The following CFAP144 variants were observed in gnomAD, a reference collection of about 807,000 sequenced individuals.
CFAP144 encodes cilia- and flagella-associated protein 144.
At chr1:43,152,118 A>C in the CFAP144 span, among the ~76,000 whole-genome samples, 1 of 152,086 alleles carries the variant, frequency 6.6e-6, no homozygotes, top group Non-Finnish European at 1.5e-5. Context: ...GATGCCACCC[A>C]ACAAGCCGGT....
At chr1:43,145,151 G>C in the CFAP144 span, 2 of 920,710 alleles carry the variant, frequency 2.2e-6, no homozygotes, top group Non-Finnish European at 3.5e-6. Flanking sequence ...CTCATGCCTG[G>C]TCAGCCAGCC....
chr1:43,153,101 G>A, the CFAP144 span: 1 of 790,944 alleles, frequency 1.3e-6, no homozygotes, highest in African/African-American at 1.7e-5. Flanking sequence ...GTTGTAAAAT[G>A]GAGCTAATAC....
the CFAP144 span, among the ~76,000 whole-genome samples, chr1:43,154,800 A>T: frequency 6.2e-4 from 94 of 152,072 alleles, 1 homozygote; most frequent in Admixed American, 6.0e-3. Flanking sequence ...CTCGACTCTG[A>T]TTACAGCATG....
At chr1:43,150,131 G>C in the CFAP144 span, among the ~76,000 whole-genome samples, 1 of 152,164 alleles carries the variant, frequency 6.6e-6, no homozygotes, top group Non-Finnish European at 1.5e-5. Context: ...CTGCTTTACT[G>C]TTCTCTATCA....
chr1:43,148,102 G>C, the CFAP144 span: 4 of 1,611,058 alleles, frequency 2.5e-6, no homozygotes, highest in African/African-American at 4.0e-5. Flanking sequence ...GCACGGCGGG[G>C]TGGGGGAAGG....
At chr1:43,143,651 C>T in the CFAP144 span, among the ~76,000 whole-genome samples, 2 of 152,130 alleles carry the variant, frequency 1.3e-5, no homozygotes, top group African/African-American at 4.8e-5. Context: ...CAAATCTAGT[C>T]GTTAGGCACC....
the CFAP144 span, chr1:43,150,706 G>A: frequency 5.4e-6 from 8 of 1,484,378 alleles, no homozygotes; most frequent in Middle Eastern, 1.7e-4. Flanking sequence ...CCTTAGAGAG[G>A]GCAGGGAACT....
At chr1:43,154,326 A>T in the CFAP144 span, among the ~76,000 whole-genome samples, 10 of 146,524 alleles carry the variant, frequency 6.8e-5, no homozygotes, top group Admixed American at 1.4e-4. Context: ...AAAATTATTT[A>T]TATATATCCC....
At chr1:43,147,681 CTA>C in the CFAP144 span, 3 of 779,118 alleles carry the variant, frequency 3.9e-6, no homozygotes, top group Non-Finnish European at 4.7e-6. Flanking sequence ...AGGGGACCTT[CTA>C]GTAACCAGCC....
At chr1:43,156,349 C>A in the CFAP144 span, 2 of 1,479,196 alleles carry the variant, frequency 1.4e-6, no homozygotes, top group Non-Finnish European at 1.9e-6. Context: ...GGATCTAATG[C>A]CTTAAGTGTG....
the CFAP144 span, among the ~76,000 whole-genome samples, chr1:43,147,663 C>T: frequency 6.6e-6 from 1 of 152,206 alleles, no homozygotes; most frequent in African/African-American, 2.4e-5. Context: ...CCTTTCCTGG[C>T]GGTATCCAGG....
At chr1:43,152,735 C>T in the CFAP144 span, 1 of 1,359,380 alleles carries the variant, frequency 7.4e-7, no homozygotes, top group East Asian at 2.6e-5. Context: ...AGATGCTCTG[C>T]CTGAAAGGAA....
At chr1:43,149,164 C>T in the CFAP144 span, among the ~76,000 whole-genome samples, 1 of 152,178 alleles carries the variant, frequency 6.6e-6, no homozygotes, top group African/African-American at 2.4e-5. Flanking sequence ...ACATCAATCC[C>T]ACCTAAAATC....
the CFAP144 span, among the ~76,000 whole-genome samples, chr1:43,148,852 C>G: frequency 6.6e-6 from 1 of 152,208 alleles, no homozygotes; most frequent in East Asian, 1.9e-4. Context: ...AAAAAAGGCA[C>G]AAGTCCTGTT....
At chr1:43,152,383 C>T in the CFAP144 span, among the ~76,000 whole-genome samples, 1 of 152,228 alleles carries the variant, frequency 6.6e-6, no homozygotes, top group African/African-American at 2.4e-5. Flanking sequence ...TCTGCCTCTT[C>T]CCAGGGCTGG....
chr1:43,147,266 G>T, the CFAP144 span, among the ~76,000 whole-genome samples: 1 of 152,328 alleles, frequency 6.6e-6, no homozygotes, highest in African/African-American at 2.4e-5. Flanking sequence ...TAATGGGTGT[G>T]AAAAAGTTCT....
the CFAP144 span, chr1:43,148,118 A>G: frequency 2.5e-6 from 4 of 1,589,648 alleles, no homozygotes; most frequent in African/African-American, 1.4e-5. Context: ...GAAGGGCGAG[A>G]GCGGGAGGGC....
the CFAP144 span, chr1:43,156,137 A>G: frequency 2.9e-6 from 4 of 1,359,748 alleles, no homozygotes; most frequent in Non-Finnish European, 4.2e-6. Context: ...AGCCAGGCCC[A>G]TTGACTCCAA....
At chr1:43,143,196 G>A in the CFAP144 span, among the ~76,000 whole-genome samples, 1 of 152,140 alleles carries the variant, frequency 6.6e-6, no homozygotes, top group African/African-American at 2.4e-5. Flanking sequence ...GGAGCAAAGA[G>A]AACCTATACA....
Sources: allele counts gnomAD v4.1 joint callset (sites outside exome capture counted in the v4.1 genomes callset), GRCh38; gene constraint gnomAD v4.1.1; transcripts MANE v1.5; gene names NCBI Gene and HGNC (gene_info 2026-07-23, HGNC 2026-07-21).